Variants in PLPPR1 observed in about 807,000 individuals in gnomAD.
PLPPR1 encodes the protein phospholipid phosphatase-related protein type 1.
Under a neutral mutation model 33.1 loss-of-function variants are expected in PLPPR1, and 10 were observed. That is an observed-to-expected ratio of 0.30 (90% CI 0.19 to 0.51). The LOEUF (loss-of-function observed/expected upper bound fraction) is 0.51. PLPPR1 is among the 20% of genes least tolerant of loss of function. The pLI is 0.97. For synonymous variants in PLPPR1, 151 were observed against 151.0 expected, an observed-to-expected ratio of 1.00 and a Z score of 0.00; for missense variants, 304 against 408.1, an observed-to-expected ratio of 0.74 and a Z score of 2.20.
intron 1 of PLPPR1, among the ~76,000 whole-genome samples, chr9:101,133,640 T>C (rs1389206282): frequency 6.6e-6 from 1 of 152,188 alleles, no homozygotes; most frequent in African/African-American, 2.4e-5. Flanking sequence ...GTGAACACAG[T>C]AAAGAGTAAG....
intron 1 of PLPPR1, among the ~76,000 whole-genome samples, chr9:101,124,279 A>G (rs1027918689): frequency 2.6e-5 from 4 of 152,128 alleles, no homozygotes; most frequent in Admixed American, 1.3e-4. Flanking sequence ...CAGAAGGATG[A>G]AGGTCCCTCT....
intron 2 of PLPPR1, among the ~76,000 whole-genome samples, chr9:101,268,677 T>C (rs1362262397): frequency 2.0e-5 from 3 of 152,222 alleles, no homozygotes; most frequent in Non-Finnish European, 2.9e-5. Flanking sequence ...ACTTTAGTCT[T>C]CTTAAGCCCT....
chr9:101,080,574 AAAC>A (rs1564139036), intron 1 of PLPPR1, among the ~76,000 whole-genome samples: 1 of 152,158 alleles, frequency 6.6e-6, no homozygotes, highest in African/African-American at 2.4e-5. Context: ...ACCCCCACCA[AAAC>A]AACAACAACC....
chr9:101,134,080 T>C (rs1308611006), intron 1 of PLPPR1, among the ~76,000 whole-genome samples: 1 of 152,162 alleles, frequency 6.6e-6, no homozygotes, highest in Non-Finnish European at 1.5e-5. Context: ...AAATCACAGA[T>C]TGTTAGCCTA....
intron 1 of PLPPR1, among the ~76,000 whole-genome samples, chr9:101,042,042 G>C (rs936216618): frequency 1.2e-4 from 19 of 152,126 alleles, no homozygotes; most frequent in African/African-American, 3.9e-4. Flanking sequence ...AACACATATA[G>C]AGAAAATATA....
chr9:101,254,679 G>T (rs1222206001), intron 2 of PLPPR1, among the ~76,000 whole-genome samples: 1 of 152,078 alleles, frequency 6.6e-6, no homozygotes, highest in Non-Finnish European at 1.5e-5. Flanking sequence ...TGTGTGTAAA[G>T]AACTGAGGCT....
chr9:101,150,724 G>C (rs191627308), intron 1 of PLPPR1, among the ~76,000 whole-genome samples: 34 of 152,290 alleles, frequency 2.2e-4, no homozygotes, highest in African/African-American at 7.5e-4. Flanking sequence ...CAACTAGGTG[G>C]TTATGCGGTG....
chr9:101,234,210 G>T (rs997536997), intron 2 of PLPPR1, among the ~76,000 whole-genome samples: 3 of 151,880 alleles, frequency 2.0e-5, no homozygotes, highest in African/African-American at 2.4e-5. Flanking sequence ...CCAAGGTGTT[G>T]TTTTCTCCCC....
At chr9:101,177,558 G>T (rs889121608) in intron 1 of PLPPR1, among the ~76,000 whole-genome samples, 1 of 152,092 alleles carries the variant, frequency 6.6e-6, no homozygotes, top group Non-Finnish European at 1.5e-5. Context: ...CAAAATAGTT[G>T]TTCCAAATAG....
chr9:101,066,787 G>A (rs1227599271), intron 1 of PLPPR1, among the ~76,000 whole-genome samples: 1 of 151,872 alleles, frequency 6.6e-6, no homozygotes, highest in East Asian at 1.9e-4. Flanking sequence ...CCTAGAATCA[G>A]CCATTTTTTC....
At chr9:101,161,288 A>G (rs953140709) in intron 1 of PLPPR1, among the ~76,000 whole-genome samples, 11 of 152,176 alleles carry the variant, frequency 7.2e-5, no homozygotes, top group Middle Eastern at 3.2e-3. Context: ...AGATGACGAG[A>G]AGAATATGGA....
chr9:101,092,948 A>G (rs1034122259), intron 1 of PLPPR1, among the ~76,000 whole-genome samples: 2 of 152,164 alleles, frequency 1.3e-5, no homozygotes, highest in Admixed American at 6.6e-5. Context: ...GAAAATGACC[A>G]TCTGCAAACC....
At chr9:101,195,104 C>T (rs1564172256) in intron 2 of PLPPR1, among the ~76,000 whole-genome samples, 1 of 152,142 alleles carries the variant, frequency 6.6e-6, no homozygotes, top group South Asian at 2.1e-4. Context: ...TTGGTATCTG[C>T]ATCTCAACAA....
intron 1 of PLPPR1, among the ~76,000 whole-genome samples, chr9:101,109,500 T>C (rs1276450153): frequency 6.6e-6 from 1 of 152,204 alleles, no homozygotes; most frequent in Non-Finnish European, 1.5e-5. Context: ...AAGCCAGTGC[T>C]ATGCCATATA....
chr9:101,262,374 C>A (rs77336127), intron 2 of PLPPR1, among the ~76,000 whole-genome samples: 2,227 of 152,296 alleles, frequency 0.015, 45 homozygotes, highest in African/African-American at 0.048. Context: ...TCAAGTTCAA[C>A]TGCAGCTGAA....
chr9:101,237,926 C>CTATATATA (rs34987720), intron 2 of PLPPR1, among the ~76,000 whole-genome samples: 7 of 102,230 alleles, frequency 6.8e-5, no homozygotes, highest in East Asian at 3.1e-4. Context: ...GAGAATAAGC[C>CTATATATA]TATATATATA....
At chr9:101,139,627 C>T (rs377283914) in intron 1 of PLPPR1, among the ~76,000 whole-genome samples, 19 of 152,224 alleles carry the variant, frequency 1.2e-4, no homozygotes, top group African/African-American at 4.6e-4. Flanking sequence ...AATGAATCGA[C>T]AGTGTGTTAC....
chr9:101,252,215 A>G (rs1827725394), intron 2 of PLPPR1, among the ~76,000 whole-genome samples: 1 of 152,164 alleles, frequency 6.6e-6, no homozygotes, highest in South Asian at 2.1e-4. Flanking sequence ...AGTGCTCAAG[A>G]GCCACCTATA....
chr9:101,147,272 A>C (rs1311672804), intron 1 of PLPPR1, among the ~76,000 whole-genome samples: 1 of 152,178 alleles, frequency 6.6e-6, no homozygotes. Context: ...GTTCACAGTA[A>C]GGGCTCCTTG....
Sources: gnomAD v4.1 joint callset for allele counts (sites outside exome capture counted in the v4.1 genomes callset) on GRCh38, gnomAD v4.1.1 for gene constraint, MANE v1.5 for transcripts, NCBI Gene and HGNC (gene_info 2026-07-23, HGNC 2026-07-21) for gene names.